Variants in PRPF18 observed in about 807,000 individuals in gnomAD.
PRPF18 encodes pre-mRNA-splicing factor 18.
In PRPF18, 38 loss-of-function variants were observed where a neutral mutation model predicts 46.5. That is an observed-to-expected ratio of 0.82 (90% CI 0.63 to 1.07). The LOEUF (loss-of-function observed/expected upper bound fraction) is 1.07. Among genes scored for constraint, PRPF18 ranks in the 50% least tolerant of loss-of-function variants. The pLI is 0.00. For synonymous variants in PRPF18, 152 were observed against 146.7 expected, an observed-to-expected ratio of 1.04 and a Z score of -0.26; for missense variants, 263 against 410.0, an observed-to-expected ratio of 0.64 and a Z score of 3.10.
intron 4 of PRPF18, among the ~76,000 whole-genome samples, chr10:13,606,951 T>A (rs1167372593): frequency 6.6e-6 from 1 of 152,228 alleles, no homozygotes; most frequent in East Asian, 1.9e-4. Context: ...ATTGTTAGTC[T>A]TTTTAATTTT....
rs746682190 is a variant in PRPF18, at chr10:13,630,347, T to C, written c.*7T>C. On this transcript the variant is annotated 3_prime_UTR_variant, in exon 10 of 10. Coordinates refer to ENST00000378572, the MANE Select transcript of PRPF18 (RefSeq NM_003675.4). ...GGAGTACAATGCACTGTGAGATCTGTGTATGGTGTGTTAATAACAATAAGA... is the reference window on the plus strand; with the variant it reads ...GGAGTACAATGCACTGTGAGATCTGCGTATGGTGTGTTAATAACAATAAGA... The C allele has an allele frequency of 2.6e-5, 41 of 1,595,458 alleles. No individual in the cohort carries two copies. In the Middle Eastern group the frequency reaches 5.0e-4, roughly 19 times the overall value.
the PRPF18 span, chr10:13,645,381 T>G: frequency 3.4e-5 from 3 of 88,094 alleles, no homozygotes; most frequent in South Asian, 8.4e-4. Context: ...CCCCCACCAC[T>G]TGCGCCAAAA....
the PRPF18 span, chr10:13,651,421 A>C: frequency 6.4e-6 from 1 of 155,670 alleles, no homozygotes; most frequent in Non-Finnish European, 1.4e-5. Context: ...ATGTAGATAG[A>C]ACATGGTGAG....
chr10:13,653,340 CCT>C, the PRPF18 span: 1 of 152,230 alleles, frequency 6.6e-6, no homozygotes, highest in Non-Finnish European at 1.5e-5. Flanking sequence ...GTGGTGAAAC[CCT>C]GTCTCTACTA....
At chr10:13,633,409 A>G (rs902244070), downstream of PRPF18, among the ~76,000 whole-genome samples, 2 of 152,198 alleles carry the variant, frequency 1.3e-5, no homozygotes, top group Non-Finnish European at 2.9e-5. Flanking sequence ...ATCTCAGTAA[A>G]TAACTTGGAA....
chr10:13,617,728 AT>A lies in PRPF18; in HGVS notation c.948+1184del, dbSNP rs199918717. Among the ~76,000 whole-genome samples the A allele has an allele frequency of 5.9e-5, 9 of 151,820 alleles. No homozygotes were observed. The South Asian group carries it at 8.3e-4, about 14-fold the overall frequency. On this transcript the variant is annotated intron_variant, in intron 9 of 9. Transcript: ENST00000378572. Reference sequence around the variant, plus strand: ...GTGATTTTCACCTCCCCGAGGAGTGATTTTTTTTTAAGTATACCTAGCATTT... The same window carrying A: ...GTGATTTTCACCTCCCCGAGGAGTGATTTTTTTTAAGTATACCTAGCATTT...
intron 1 of PRPF18, among the ~76,000 whole-genome samples, chr10:13,592,663 C>A (rs2133158296): frequency 6.6e-6 from 1 of 152,316 alleles, no homozygotes; most frequent in South Asian, 2.1e-4. Context: ...ATTGCTAGAA[C>A]ACCAGTGTTT....
the PRPF18 span, chr10:13,654,270 T>C: frequency 1.5e-6 from 1 of 678,418 alleles, no homozygotes; most frequent in Admixed American, 2.1e-5. Context: ...TGACAGCAGA[T>C]CATGGGGCTT....
chr10:13,648,183 A>G, the PRPF18 span: 3 of 152,338 alleles, frequency 2.0e-5, no homozygotes, highest in Admixed American at 1.3e-4. Context: ...GATTTTAATG[A>G]GAGTCCTGTG....
chr10:13,620,888 C>A (rs1217796932), intron 9 of PRPF18, among the ~76,000 whole-genome samples: 2 of 152,176 alleles, frequency 1.3e-5, no homozygotes, highest in Non-Finnish European at 2.9e-5. Flanking sequence ...AAGGAGGGTT[C>A]TCTCCAGGCA....
At chr10:13,633,298 A>T (rs925799833), downstream of PRPF18, among the ~76,000 whole-genome samples, 2 of 152,182 alleles carry the variant, frequency 1.3e-5, no homozygotes, top group Non-Finnish European at 2.9e-5. Flanking sequence ...AACTCAGAGG[A>T]CTAGGAAACA....
chr10:13,640,478 T>A, the PRPF18 span: 1 of 152,220 alleles, frequency 6.6e-6, no homozygotes, highest in East Asian at 1.9e-4. Context: ...GATCCCTCCC[T>A]AGATGATGTG....
At chr10:13,606,733 CAAAAA>C (rs34162273) in intron 4 of PRPF18, among the ~76,000 whole-genome samples, 53 of 73,012 alleles carry the variant, frequency 7.3e-4, no homozygotes, top group African/African-American at 1.9e-3. Context: ...GACTCCTTCT[CAAAAA>C]AAAAAAAAAA....
intron 9 of PRPF18, among the ~76,000 whole-genome samples, chr10:13,628,563 G>C (rs559008399): frequency 3.3e-5 from 5 of 151,788 alleles, no homozygotes; most frequent in African/African-American, 9.7e-5. Flanking sequence ...TTCTTTTTTT[G>C]TTGCCGTTTT....
At chr10:13,651,873 G>C in the PRPF18 span, 1 of 1,085,892 alleles carries the variant, frequency 9.2e-7, no homozygotes. Flanking sequence ...AGACTCATGG[G>C]CAGTAGGAAC....
chr10:13,624,122 G>T (rs1483591324), intron 9 of PRPF18, among the ~76,000 whole-genome samples: 2 of 152,114 alleles, frequency 1.3e-5, no homozygotes, highest in African/African-American at 4.8e-5. Flanking sequence ...GTAGCTGGGT[G>T]TGTGCCACCA....
In PRPF18 at chr10:13,593,948, C is replaced by T. The variant is rs75941270; in HGVS notation, c.67-3510C>T. ...ATGAAATGGGTAAATACCCCAGGAC[C>T]AATAGGCAATGTTGAGGCCCCAGTG... On this transcript the variant is annotated intron_variant, in intron 1 of 9. Coordinates refer to ENST00000378572, the MANE Select transcript of PRPF18 (RefSeq NM_003675.4). Among the ~76,000 whole-genome samples the T allele has an allele frequency of 8.6e-3, 1,304 of 152,280 alleles. 17 individuals carry two copies. Among genetic ancestry groups the T allele is most frequent in the African/African-American group, 0.03 (1,231 of 41,552 alleles).
At chr10:13,627,885 C>T (rs1049056413) in intron 9 of PRPF18, among the ~76,000 whole-genome samples, 1 of 152,204 alleles carries the variant, frequency 6.6e-6, no homozygotes, top group African/African-American at 2.4e-5. Flanking sequence ...ACAATTCTTG[C>T]CATGCTCTGC....
chr10:13,607,890 TG>T (rs2080212839), intron 4 of PRPF18, among the ~76,000 whole-genome samples: 1 of 152,228 alleles, frequency 6.6e-6, no homozygotes, highest in Non-Finnish European at 1.5e-5. Flanking sequence ...GTTTATTCCA[TG>T]GGCTCTTGAA....
Sources: gnomAD v4.1 joint callset for allele counts (sites outside exome capture counted in the v4.1 genomes callset) on GRCh38, gnomAD v4.1.1 for gene constraint, MANE v1.5 for transcripts, NCBI Gene and HGNC (gene_info 2026-07-23, HGNC 2026-07-21) for gene names.